WDR43: variants seen among roughly 807,000 people sequenced by gnomAD.
The protein encoded by WDR43 is WD repeat-containing protein 43.
Under a neutral mutation model 91.4 loss-of-function variants are expected in WDR43, and 13 were observed. The observed-to-expected ratio is 0.14, with a 90% CI of 0.09 to 0.23. WDR43 has a LOEUF of 0.23. Ranked by LOEUF, WDR43 falls within the 10% of genes least tolerant of loss-of-function variation. The probability of loss-of-function intolerance (pLI) is 1.00; values close to 1 mark genes in which losing one functional copy is unlikely to be tolerated. For synonymous variants in WDR43, 331 were observed against 287.9 expected (o/e 1.15, Z -1.51); for missense variants, 780 against 809.4 (o/e 0.96, Z 0.44).
chr2:28,923,171 A>G (rs1182661055), intron 7 of WDR43, among the ~76,000 whole-genome samples, 188 bp downstream of exon 7: 1 of 152,186 alleles, frequency 6.6e-6, no homozygotes, highest in Non-Finnish European at 1.5e-5. Context: ...TATATTTGTG[A>G]TTAGGAGATT....
At chr2:28,897,216 T>G (rs890515448) in intron 1 of WDR43, among the ~76,000 whole-genome samples, 1 of 152,216 alleles carries the variant, frequency 6.6e-6, no homozygotes, top group African/African-American at 2.4e-5. Flanking sequence ...GACAGTTTTC[T>G]TGTATTAAAA....
rs201127235 is a variant in WDR43 at position 28,946,518 on chromosome 2, G to C, written c.1854+19G>C. On this transcript the variant is annotated intron_variant, in intron 17 of 17. Transcript: ENST00000407426. ...TTCTGAAGTGAGTGATTTGTTCCCT[G>C]TATATACATCGGCCTTTATATCCTC... 6.2e-7 allele frequency: 1 copy of C among 1,607,562 alleles called. No homozygotes were observed. Among genetic ancestry groups the C allele is most frequent in the East Asian group, 2.2e-5 (1 of 44,796 alleles).
intron 14 of WDR43, among the ~76,000 whole-genome samples, chr2:28,940,111 CAAAA>C (rs369746530): frequency 9.7e-6 from 1 of 103,366 alleles, no homozygotes. Context: ...GACTCCGTCT[CAAAA>C]AAAAAAAAAA....
intron 16 of WDR43, among the ~76,000 whole-genome samples, chr2:28,945,579 C>CAA (rs1671530328): frequency 6.6e-6 from 1 of 152,098 alleles, no homozygotes; most frequent in Non-Finnish European, 1.5e-5. Context: ...AGCTACAGTT[C>CAA]CTTTAAACTG....
intron 5 of WDR43, among the ~76,000 whole-genome samples, chr2:28,915,035 C>G (rs184776873): frequency 4.6e-4 from 70 of 151,978 alleles, no homozygotes; most frequent in African/African-American, 1.7e-3. Context: ...AAAAAACCAC[C>G]TTGCTGTTTA....
chr2:28,942,414 A>C, intron 16 of WDR43, 33 bp downstream of exon 16: 1 of 1,598,012 alleles, frequency 6.3e-7, no homozygotes, highest in Non-Finnish European at 8.6e-7. Context: ...GGAGTCTAGA[A>C]TTATAACATT....
chr2:28,946,934 C>A lies in WDR43; in HGVS notation c.*155C>A. 1 of 737,150 alleles carries A rather than the reference C, an allele frequency of 1.4e-6. No individual in the cohort carries two copies. The highest frequency in any genetic ancestry group is 2.1e-6 in the Non-Finnish European group (1 of 468,270). The allele number at this position is 737,150 out of a possible 1,614,324, so 45.7% of individuals were successfully genotyped here. A position where few individuals can be genotyped will look rare whatever the true frequency, so the allele number is the denominator to read the frequency against. On this transcript the variant is annotated 3_prime_UTR_variant, in exon 18 of 18. Transcript: ENST00000407426. Reference sequence around the variant, plus strand: ...ACTTTGCTGTCCTGAGCACCCCAGACTTGACTGTGTAAATAAGAGTGTTTC... The same window carrying A: ...ACTTTGCTGTCCTGAGCACCCCAGAATTGACTGTGTAAATAAGAGTGTTTC...
chr2:28,946,593 C>A lies in WDR43; in HGVS notation c.1855-7C>A. 1 of 1,560,628 alleles carries A rather than the reference C, an allele frequency of 6.4e-7. No individual in the cohort carries two copies. The highest frequency in any genetic ancestry group is 8.7e-7 in the Non-Finnish European group (1 of 1,151,120). On this transcript the variant is annotated splice_region_variant and splice_polypyrimidine_tract_variant and intron_variant, in intron 17 of 17. Transcript: ENST00000407426. Reference sequence around the variant, plus strand: ...ATGAATGCTTTCCTTGTTGGTATTTCGACTAGGATAATTGGGATGAAGATG... The same window carrying A: ...ATGAATGCTTTCCTTGTTGGTATTTAGACTAGGATAATTGGGATGAAGATG...
intron 14 of WDR43, among the ~76,000 whole-genome samples, chr2:28,938,601 TA>T (rs1671378466): frequency 6.6e-6 from 1 of 152,240 alleles, no homozygotes; most frequent in Admixed American, 6.5e-5. Context: ...TGCTTTACTT[TA>T]AGCTTTAAGT....
chr2:28,921,299 T>C (rs943185634), intron 6 of WDR43, among the ~76,000 whole-genome samples: 36 of 152,150 alleles, frequency 2.4e-4, no homozygotes, highest in Admixed American at 1.9e-3. Context: ...AGCTAATTTT[T>C]GTATTTTTAG....
rs1417365904 is a variant in WDR43, at chr2:28,947,716, T to A, written c.*937T>A. 1 of 151,888 alleles carries A rather than the reference T, an allele frequency of 6.6e-6. No homozygotes were observed. The highest frequency in any genetic ancestry group is 1.5e-5 in the Non-Finnish European group (1 of 67,938). 9.4% of individuals were successfully genotyped at this position (151,888 alleles called of 1,614,324 possible). A position where few individuals can be genotyped will look rare whatever the true frequency, so the allele number is the denominator to read the frequency against. Reference sequence around the variant, plus strand: ...AGAAAATATTTTTATAATTAAATAATTTAATGTTTTTCTTCCTTTTCATTA... The same window carrying A: ...AGAAAATATTTTTATAATTAAATAAATTAATGTTTTTCTTCCTTTTCATTA... On this transcript the variant is annotated 3_prime_UTR_variant, in exon 18 of 18. Transcript: ENST00000407426.
chr2:28,911,302 T>A (rs1333868944), intron 3 of WDR43, among the ~76,000 whole-genome samples: 1 of 151,872 alleles, frequency 6.6e-6, no homozygotes, highest in Non-Finnish European at 1.5e-5. Flanking sequence ...TAACCTCTTT[T>A]TTTTTTTTTG....
In WDR43 at chr2:28,914,134, G is replaced by T; in HGVS notation, c.672G>T (p.Glu224Asp). 1.2e-6 allele frequency: 2 copies of T among 1,613,946 alleles called. No individual in the cohort carries two copies. The highest frequency in any genetic ancestry group is 1.7e-6 in the Non-Finnish European group (2 of 1,179,870). ...TCACTACCATCAGACCTCCTAATGA[G>T]AGCCAGCCCTTTGATGGAATTACAG... Reference protein sequence around the residue: ...LMFTTIRPPNESQPFDGITGL... With the variant: ...LMFTTIRPPNDSQPFDGITGL... Residue 224 changes from glutamate to aspartate, a missense_variant, in exon 5 of 18, where the codon GAG becomes GAT. Around this residue, in one of 4 missense-constraint regions of WDR43, gnomAD observed 174 missense variants for 207.3 expected, o/e 0.84. Coordinates refer to ENST00000407426, the MANE Select transcript of WDR43 (RefSeq NM_015131.3).
intron 15 of WDR43, among the ~76,000 whole-genome samples, chr2:28,941,986 G>T (rs965470768): frequency 6.6e-6 from 1 of 152,154 alleles, no homozygotes; most frequent in Non-Finnish European, 1.5e-5. Context: ...AAGTTTAGTT[G>T]TGTCTGTTTC....
At chr2:28,943,482 T>C (rs1404224968) in intron 16 of WDR43, among the ~76,000 whole-genome samples, 2 of 152,176 alleles carry the variant, frequency 1.3e-5, no homozygotes, top group African/African-American at 4.8e-5. Flanking sequence ...ATGAGCCAAG[T>C]ATAATCTTGA....
intron 8 of WDR43, 90 bp from the exon 9 acceptor site, chr2:28,926,378 T>G: frequency 1.1e-6 from 1 of 930,854 alleles, no homozygotes. Context: ...CATTTATTTT[T>G]CATTTTGTTC....
In WDR43 at chr2:28,894,694, C is replaced by G; in HGVS notation, c.-5C>G. The G allele has an allele frequency of 6.4e-7, 1 of 1,558,632 alleles. No individual in the cohort carries two copies. The highest frequency in any genetic ancestry group is 2.4e-5 in the East Asian group (1 of 41,774). On this transcript the variant is annotated 5_prime_UTR_variant, in exon 1 of 18. Coordinates refer to ENST00000407426, the MANE Select transcript of WDR43 (RefSeq NM_015131.3). ...ACACGTGGCTGCAGCGGGGCCAGAG[C>G]AGCAATGGCGGCGGGCGGCGGCGGT...
rs1671435727 is a variant in WDR43 at position 28,941,466 on chromosome 2, T to C, written c.1626T>C (p.Pro542=). 6.2e-7 allele frequency: 1 copy of C among 1,612,156 alleles called. No homozygotes were observed. The change falls in exon 15 of 18, where the codon CCT becomes CCC. Residue 542 remains proline, a synonymous_variant. Coordinates refer to ENST00000407426, the MANE Select transcript of WDR43 (RefSeq NM_015131.3). ...ATGATCATTTTTTTCTCTAGTTGCC[T>C]GACCTGGTACCCCAGCTGGGGACAC... The part of the protein sequence containing the change: ...TVHASYLSTL[P]DLVPQLGTLY...
chr2:28,930,383 A>G (rs1048787733), intron 11 of WDR43, among the ~76,000 whole-genome samples: 1 of 152,226 alleles, frequency 6.6e-6, no homozygotes, highest in African/African-American at 2.4e-5. Flanking sequence ...TGATCAGATT[A>G]AAGCAGTTTA....
Sources: allele counts gnomAD v4.1 joint callset (sites outside exome capture counted in the v4.1 genomes callset), GRCh38; gene constraint gnomAD v4.1.1; regional missense constraint gnomAD v4.1.1; transcripts MANE v1.5; gene names NCBI Gene and HGNC (gene_info 2026-07-23, HGNC 2026-07-21).